TTC23: variants seen among roughly 807,000 people sequenced by gnomAD.
TTC23 encodes tetratricopeptide repeat domain 23, also known as tetratricopeptide repeat protein 23.
Under a neutral mutation model 55.1 loss-of-function variants are expected in TTC23, and 58 were observed. The ratio of observed to expected loss-of-function variants is 1.05; its 90% CI spans 0.85 to 1.31. The LOEUF is 1.31. Among genes scored for constraint, TTC23 ranks in the 50% most tolerant of loss-of-function variants. The pLI is 0.00. For synonymous variants in TTC23, 203 were observed against 199.9 expected, an observed-to-expected ratio of 1.02 and a Z score of -0.13; for missense variants, 516 against 534.4, an observed-to-expected ratio of 0.97 and a Z score of 0.34.
chr15:99,166,026 G>A (rs1466721060), intron 10 of TTC23, among the ~76,000 whole-genome samples: 1 of 152,124 alleles, frequency 6.6e-6, no homozygotes, highest in Non-Finnish European at 1.5e-5. Flanking sequence ...CCTAACGATG[G>A]GCCCTTATTG....
chr15:99,187,452 CAAA>C (rs66568931), intron 9 of TTC23, among the ~76,000 whole-genome samples: 1 of 44,506 alleles, frequency 2.2e-5, no homozygotes, highest in East Asian at 6.6e-4. Context: ...AAAGCACAAG[CAAA>C]AAAAAAAAAA....
At chr15:99,163,106 C>CAAA (rs1285772935) in intron 10 of TTC23, among the ~76,000 whole-genome samples, 1 of 134,080 alleles carries the variant, frequency 7.5e-6, no homozygotes, top group East Asian at 2.4e-4. Flanking sequence ...AACAAACAAA[C>CAAA]AAAAACAACA....
At chr15:99,170,834 G>A (rs1018998414) in intron 10 of TTC23, among the ~76,000 whole-genome samples, 53 of 152,338 alleles carry the variant, frequency 3.5e-4, no homozygotes, top group African/African-American at 1.1e-3. Flanking sequence ...GGTGGTGCCT[G>A]TTGCATTTCT....
chr15:99,182,419 A>T (rs1044589397), intron 9 of TTC23, among the ~76,000 whole-genome samples: 7 of 152,106 alleles, frequency 4.6e-5, no homozygotes, highest in Non-Finnish European at 1.0e-4. Flanking sequence ...TTATTTTTGT[A>T]TGGTTATTGG....
chr15:99,214,370 T>C (rs929448005), intron 8 of TTC23, among the ~76,000 whole-genome samples: 4 of 151,864 alleles, frequency 2.6e-5, no homozygotes, highest in African/African-American at 7.3e-5. Flanking sequence ...TAGCCAGGCG[T>C]GGTGGTGGGT....
intron 8 of TTC23, among the ~76,000 whole-genome samples, chr15:99,216,461 G>T (rs2077481930): frequency 6.6e-6 from 1 of 151,802 alleles, no homozygotes; most frequent in Non-Finnish European, 1.5e-5. Context: ...TAATAAGCGG[G>T]CAATAGATGT....
intron 9 of TTC23, among the ~76,000 whole-genome samples, chr15:99,181,450 C>T (rs1446947534): frequency 5.3e-5 from 8 of 152,104 alleles, no homozygotes; most frequent in Non-Finnish European, 8.8e-5. Flanking sequence ...TGTCGTCGAC[C>T]GAGAGTCTAC....
intron 8 of TTC23, among the ~76,000 whole-genome samples, chr15:99,213,551 T>C (rs764563115): frequency 7.2e-5 from 11 of 152,220 alleles, no homozygotes; most frequent in Non-Finnish European, 1.3e-4. Context: ...GAATTGTGTA[T>C]TTCCTATCTT....
At chr15:99,234,104 G>A (rs1441266934) in intron 4 of TTC23, among the ~76,000 whole-genome samples, 1 of 152,122 alleles carries the variant, frequency 6.6e-6, no homozygotes, top group Non-Finnish European at 1.5e-5. Context: ...AAACACCTGT[G>A]ACCATGCATT....
At chr15:99,168,951 C>T (rs2072534645) in intron 10 of TTC23, among the ~76,000 whole-genome samples, 1 of 152,144 alleles carries the variant, frequency 6.6e-6, no homozygotes, top group African/African-American at 2.4e-5. Flanking sequence ...CTTGCTTGGC[C>T]TCTAACTTGC....
At position 99,161,746 on chromosome 15, in the gene TTC23, T is replaced by G; in HGVS notation, c.987A>C (p.Gln329His). 1 of 1,610,194 alleles carries G rather than the reference T, an allele frequency of 6.2e-7. No homozygotes were observed. The highest frequency in any genetic ancestry group is 8.5e-7 in the Non-Finnish European group (1 of 1,178,962). The change falls in exon 11 of 14, where the codon CAA becomes CAC. Residue 329 changes from glutamine (Q) to histidine (H), a missense_variant. Coordinates refer to ENST00000394132, the MANE Select transcript of TTC23 (RefSeq NM_001288615.3). ...EFCHFLQMTG[Q>H]KERATSILRE... is the part of the protein sequence containing the mutation. ...GTGATCCAAACTCACTTACCTCTTT[T>G]TGTCCAGTCATTTGTAGAAAATGGC...
At chr15:99,142,813 T>TG (rs2068398301) in intron 12 of TTC23, among the ~76,000 whole-genome samples, 1 of 152,168 alleles carries the variant, frequency 6.6e-6, no homozygotes. Context: ...CCATTTTCCC[T>TG]GGGAGCATTT....
chr15:99,208,001 T>C (rs1453881092), intron 8 of TTC23, among the ~76,000 whole-genome samples: 3 of 152,272 alleles, frequency 2.0e-5, no homozygotes, highest in African/African-American at 4.8e-5. Context: ...AAGAGACTTA[T>C]ATAAGCATGA....
At chr15:99,152,328 A>C (rs2069893140) in intron 12 of TTC23, among the ~76,000 whole-genome samples, 1 of 150,832 alleles carries the variant, frequency 6.6e-6, no homozygotes, top group Non-Finnish European at 1.5e-5. Context: ...ATCCAATTAA[A>C]CCTCTTTTCT....
chr15:99,247,590 A>G (rs1193050259), intron 1 of TTC23, among the ~76,000 whole-genome samples: 1 of 152,246 alleles, frequency 6.6e-6, no homozygotes, highest in Non-Finnish European at 1.5e-5. Flanking sequence ...ATGCTAAGTA[A>G]AAGAAACTAG....
chr15:99,139,654 A>C (rs1555489236), intron 12 of TTC23: 12 of 1,456,918 alleles, frequency 8.2e-6, no homozygotes, highest in Non-Finnish European at 1.1e-5. Context: ...TAGATTTAAA[A>C]GTAGTATTTT....
chr15:99,183,344 CAG>C (rs1276697466), intron 9 of TTC23, among the ~76,000 whole-genome samples: 1 of 147,044 alleles, frequency 6.8e-6, no homozygotes, highest in Non-Finnish European at 1.5e-5. Flanking sequence ...TTTTTTGAGA[CAG>C]AGTCTCGCTC....
At chr15:99,201,691 G>A (rs946190175) in intron 8 of TTC23, among the ~76,000 whole-genome samples, 3 of 152,284 alleles carry the variant, frequency 2.0e-5, no homozygotes, top group African/African-American at 7.2e-5. Flanking sequence ...ACTAAGGAGG[G>A]CTACAGCTTG....
intron 4 of TTC23, among the ~76,000 whole-genome samples, chr15:99,233,735 T>C (rs772642999): frequency 6.6e-6 from 1 of 152,238 alleles, no homozygotes; most frequent in African/African-American, 2.4e-5. Flanking sequence ...GATTTTAATC[T>C]AAATGTGAAA....
Sources: allele counts gnomAD v4.1 joint callset (sites outside exome capture counted in the v4.1 genomes callset), GRCh38; gene constraint gnomAD v4.1.1; transcripts MANE v1.5; gene names NCBI Gene and HGNC (gene_info 2026-07-23, HGNC 2026-07-21).